Variants in VGLL2 observed in about 807,000 individuals in gnomAD.
VGLL2 encodes transcription cofactor vestigial-like protein 2.
In VGLL2, 18 loss-of-function variants were observed where a neutral mutation model predicts 27.0. The ratio of observed to expected loss-of-function variants is 0.67; its 90% CI spans 0.46 to 0.99. The LOEUF (loss-of-function observed/expected upper bound fraction) is 0.99. Ranked by LOEUF, VGLL2 falls within the 50% of genes least tolerant of loss-of-function variation. The pLI is 0.00. For synonymous variants in VGLL2, 220 were observed against 201.1 expected (o/e 1.09, Z -0.80); for missense variants, 491 against 452.3 (o/e 1.09, Z -0.78).
In VGLL2 at chr6:117,271,049, C is replaced by T. The variant is rs1773185373; in HGVS notation, c.898C>T (p.Leu300Phe). The change falls in exon 3 of 4, where the codon CTC (leucine) becomes TTC (phenylalanine). Residue 300 changes from leucine (L) to phenylalanine (F), a missense_variant. Transcript: ENST00000326274. ...GGGGGACGTGGCCCAGGGTCTGGGCCTCAGCGTGGACTCAGGTAAGCAGAG... is the reference window on the plus strand; with the variant it reads ...GGGGGACGTGGCCCAGGGTCTGGGCTTCAGCGTGGACTCAGGTAAGCAGAG... The part of the protein sequence containing the change: ...PSGDVAQGLG[L>F]SVDSARRYSL... 4 of 1,228,478 alleles carry T rather than the reference C, an allele frequency of 3.3e-6. No homozygotes were observed. Among genetic ancestry groups the T allele is most frequent in the East Asian group, 3.2e-5 (1 of 31,368 alleles). The allele number at this position is 1,228,478 out of a possible 1,614,324, so 76.1% of individuals were successfully genotyped here.
At chr6:117,270,473 G>A (rs1178925420) in intron 2 of VGLL2, 70 bp from the exon 3 acceptor site, 10 of 1,482,610 alleles carry the variant, frequency 6.7e-6, no homozygotes. Flanking sequence ...GCAGGTCGGC[G>A]CTGAGTCCAG....
chr6:117,270,980 GGC>G lies in VGLL2; in HGVS notation c.832_833del (p.Ala278ArgfsTer43). On this transcript the variant is annotated frameshift_variant, in exon 3 of 4. Coordinates refer to ENST00000326274, the MANE Select transcript of VGLL2 (RefSeq NM_182645.3). ...CELSGKGEPA[G>X]AAWAGPGGPF... ...GCTCTCCGGCAAAGGCGAGCCGGCG[GGC>G]GCCGCGTGGGCCGGGCCCGGGGGAC... The G allele has an allele frequency of 8.1e-7, 1 of 1,232,152 alleles. No individual in the cohort carries two copies. The highest frequency in any genetic ancestry group is 1.0e-6 in the Non-Finnish European group (1 of 990,972). 76.3% of individuals were successfully genotyped at this position (1,232,152 alleles called of 1,614,324 possible). A position where few individuals can be genotyped will look rare whatever the true frequency, so the allele number is the denominator to read the frequency against.
At chr6:117,265,891 T>C (rs433425) in intron 1 of VGLL2, 47 bp downstream of exon 1, 433,377 of 1,556,200 alleles carry the variant, frequency 0.28, 64,176 homozygotes, top group African/African-American at 0.54. Context: ...GCGCCCCCCG[T>C]TTGCGGCGGC....
intron 2 of VGLL2, among the ~76,000 whole-genome samples, chr6:117,269,525 C>A (rs1356005184): frequency 6.6e-6 from 1 of 152,172 alleles, no homozygotes; most frequent in Non-Finnish European, 1.5e-5. Context: ...ACAGAACATT[C>A]TTTTTATTCT....
At chr6:117,265,935 C>A in intron 1 of VGLL2, 91 bp downstream of exon 1, 1 of 1,252,372 alleles carries the variant, frequency 8.0e-7, no homozygotes, top group Non-Finnish European at 1.2e-6. Context: ...TGTGCCTCCG[C>A]GCGTCTCGGG....
chr6:117,265,993 G>A, intron 1 of VGLL2, 149 bp downstream of exon 1: 2 of 709,760 alleles, frequency 2.8e-6, no homozygotes, highest in Non-Finnish European at 4.9e-6. Flanking sequence ...TGCCGGAGCC[G>A]CCCCCAGTTG....
At position 117,270,765 on chromosome 6, in the gene VGLL2, A is replaced by G; in HGVS notation, c.614A>G (p.His205Arg). 6.7e-7 allele frequency: 1 copy of G among 1,498,244 alleles called. No homozygotes were observed. Among genetic ancestry groups the G allele is most frequent in the African/African-American group, 1.5e-5 (1 of 68,676 alleles). The allele number at this position is 1,498,244 out of a possible 1,614,324, so 92.8% of individuals were successfully genotyped here. Residue 205 changes from histidine to arginine, a missense_variant, in exon 3 of 4, where the codon CAT (histidine) becomes CGT (arginine). By Grantham distance (29) the His-to-Arg change is conservative. Coordinates refer to ENST00000326274, the MANE Select transcript of VGLL2 (RefSeq NM_182645.3). Reference protein sequence around the residue: ...HHAHPHHAHPHHPYALGGALG... With the variant: ...HHAHPHHAHPRHPYALGGALG... The stretch of plus-strand genomic sequence containing the variant: ...GCGCACCCGCACCACGCGCACCCGC[A>G]TCACCCCTACGCCCTGGGCGGCGCC...
At chr6:117,266,902 T>TGAACC (rs1773079088) in intron 1 of VGLL2, among the ~76,000 whole-genome samples, 1 of 152,250 alleles carries the variant, frequency 6.6e-6, no homozygotes, top group Non-Finnish European at 1.5e-5. Flanking sequence ...CTTTTTGTTT[T>TGAACC]CTTACCTCCT....
At chr6:117,269,213 C>T (rs570923832) in intron 2 of VGLL2, among the ~76,000 whole-genome samples, 1 of 152,078 alleles carries the variant, frequency 6.6e-6, no homozygotes, top group Non-Finnish European at 1.5e-5. Context: ...TTTTTTCTAC[C>T]CTAGGACAAT....
rs371856246 is a variant in VGLL2, at chr6:117,268,504, C to A, written c.391+13C>A. On this transcript the variant is annotated intron_variant, in intron 2 of 3. Transcript: ENST00000326274. ...GGGCCCTGGCGAGGTGAGTATAGGG[C>A]CCTGCTGGGAAGGACCCATAGGGGG... The A allele has an allele frequency of 9.5e-6, 15 of 1,584,598 alleles. No homozygotes were observed. In the African/African-American group the frequency reaches 2.0e-4, roughly 21 times the overall value.
At position 117,268,389 on chromosome 6, in the gene VGLL2, T is replaced by A; in HGVS notation, c.289T>A (p.Ser97Thr). 3.1e-6 allele frequency: 5 copies of A among 1,613,908 alleles called. No individual in the cohort carries two copies. Among genetic ancestry groups the A allele is most frequent in the Non-Finnish European group, 4.2e-6 (5 of 1,179,986 alleles). ...CACTTATTTCCAGGGGGACATCAGC[T>A]CCGTGGTGGATGAACATTTCAGCAG... is the stretch of plus-strand genomic sequence containing the variant. ...LFTYFQGDIS[S>T]VVDEHFSRAL... Residue 97 changes from serine to threonine, a missense_variant, in exon 2 of 4, where the codon TCC (serine) becomes ACC (threonine). Ser to Thr is a moderately conservative substitution (Grantham distance 58). Coordinates refer to ENST00000326274, the MANE Select transcript of VGLL2 (RefSeq NM_182645.3).
Position 117,270,651 on chromosome 6 carries a change from C to T in VGLL2, c.500C>T (p.Ser167Leu). 1.3e-6 allele frequency: 2 copies of T among 1,573,016 alleles called. No individual in the cohort carries two copies. The highest frequency in any genetic ancestry group is 1.4e-5 in the African/African-American group (1 of 72,578). ...GGCAGCCCTCTGGCCACCGCGCACT[C>T]GGAGCTGCCCTTCGCCGCCGCCGAC... The part of the protein sequence containing the change: ...PLGSPLATAH[S>L]ELPFAAADPY... Residue 167 changes from serine (S) to leucine (L), a missense_variant, in exon 3 of 4, where the codon TCG (serine) becomes TTG (leucine). Physicochemically the swap from Ser to Leu is moderately radical, Grantham distance 145. Transcript: ENST00000326274.
rs1174431277 is a variant in VGLL2, at chr6:117,265,796, T to C, written c.33T>C (p.Tyr11=). ...GTCTGGATGTTATGTACCAAGTCTA[T>C]GGTCCTCCGCAGCCCTACTTCGCAG... MSCLDVMYQV[Y]GPPQPYFAAA... is the part of the protein sequence containing the mutation. Residue 11 remains tyrosine, a synonymous_variant, in exon 1 of 4, where the codon TAT becomes TAC. Transcript: ENST00000326274. The C allele has an allele frequency of 3.7e-6, 6 of 1,614,182 alleles. No individual in the cohort carries two copies. Among genetic ancestry groups the C allele is most frequent in the Middle Eastern group, 1.6e-4 (1 of 6,062 alleles).
Position 117,265,824 on chromosome 6 carries a change from G to A in VGLL2, c.61G>A (p.Ala21Thr), listed in dbSNP as rs1773055159. Residue 21 changes from alanine to threonine, a missense_variant, in exon 1 of 4, where the codon GCC (alanine) becomes ACC (threonine). Transcript: ENST00000326274. The stretch of plus-strand genomic sequence containing the variant: ...TCCTCCGCAGCCCTACTTCGCAGCC[G>A]CCTACACCCCCTACCACCAGGTACG... ...YGPPQPYFAA[A>T]YTPYHQKLAY... 6.2e-7 allele frequency: 1 copy of A among 1,613,986 alleles called. No homozygotes were observed. Among genetic ancestry groups the A allele is most frequent in the African/African-American group, 1.3e-5 (1 of 74,936 alleles).
At chr6:117,266,291 G>A (rs1452515019) in intron 1 of VGLL2, among the ~76,000 whole-genome samples, 2 of 152,226 alleles carry the variant, frequency 1.3e-5, no homozygotes, top group Non-Finnish European at 2.9e-5. Flanking sequence ...GCAAGGGCCG[G>A]TGTTCTCATC....
chr6:117,272,301 A>G (rs1773220217), intron 3 of VGLL2, 153 bp from the exon 4 acceptor site: 3 of 980,348 alleles, frequency 3.1e-6, no homozygotes, highest in African/African-American at 1.8e-5. Context: ...TCTTCTCTCT[A>G]TTTTCAGGTT....
Position 117,270,777 on chromosome 6 carries a change from C to T in VGLL2, c.626C>T (p.Ala209Val), listed in dbSNP as rs550338900. 45 of 1,459,428 alleles carry T rather than the reference C, an allele frequency of 3.1e-5. No individual in the cohort carries two copies. In the African/African-American group the frequency reaches 5.2e-4, roughly 17 times the overall value. 90.4% of individuals were successfully genotyped at this position (1,459,428 alleles called of 1,614,324 possible). ...PHHAHPHHPY[A>V]LGGALGAQAA... ...CACGCGCACCCGCATCACCCCTACG[C>T]CCTGGGCGGCGCCCTCGGCGCCCAG... is the stretch of plus-strand genomic sequence containing the variant. Residue 209 changes from alanine (A) to valine (V), a missense_variant, in exon 3 of 4, where the codon GCC becomes GTC. Coordinates refer to ENST00000326274, the MANE Select transcript of VGLL2 (RefSeq NM_182645.3).
At chr6:117,268,063 T>TA (rs983507061) in intron 1 of VGLL2, 119 bp from the exon 2 acceptor site, 15 of 1,082,738 alleles carry the variant, frequency 1.4e-5, no homozygotes, top group Non-Finnish European at 2.0e-5. Context: ...GCACAAGGCT[T>TA]AAGCCCATAT....
intron 1 of VGLL2, 120 bp from the exon 2 acceptor site, chr6:117,268,062 T>G: frequency 1.9e-6 from 2 of 1,078,584 alleles, no homozygotes; most frequent in South Asian, 3.0e-5. Flanking sequence ...AGCACAAGGC[T>G]TAAGCCCATA....
Sources: allele counts gnomAD v4.1 joint callset (sites outside exome capture counted in the v4.1 genomes callset), GRCh38; gene constraint gnomAD v4.1.1; transcripts MANE v1.5; gene names NCBI Gene and HGNC (gene_info 2026-07-23, HGNC 2026-07-21).